Variants in DYSF observed in about 807,000 individuals in gnomAD.
DYSF encodes the protein dysferlin.
Under a neutral mutation model 274.9 loss-of-function variants are expected in DYSF, and 212 were observed. The observed-to-expected ratio is 0.77, with a 90% CI of 0.69 to 0.86. The LOEUF (loss-of-function observed/expected upper bound fraction) is 0.86. Ranked by LOEUF, DYSF falls within the 40% of genes least tolerant of loss-of-function variation. The pLI is 0.00. For synonymous variants in DYSF, 1,091 were observed against 1,078.7 expected (o/e 1.01, Z -0.22); for missense variants, 2,666 against 2,783.2 (o/e 0.96, Z 0.95).
At chr2:71,651,613 A>G (rs976486068) in intron 42 of DYSF, among the ~76,000 whole-genome samples, 1 of 152,178 alleles carries the variant, frequency 6.6e-6, no homozygotes, top group Admixed American at 6.5e-5. Context: ...TGCTATATGT[A>G]GTATTTCACA....
At chr2:71,570,548 A>G (rs747364366) in intron 28 of DYSF, 51 bp from the exon 29 acceptor site, 27 of 1,606,502 alleles carry the variant, frequency 1.7e-5, no homozygotes, top group East Asian at 6.7e-5. Flanking sequence ...TGGTCCCAGG[A>G]GAGATGGGGG....
intron 52 of DYSF, among the ~76,000 whole-genome samples, chr2:71,675,516 G>A (rs1338966838): frequency 1.3e-5 from 2 of 152,304 alleles, no homozygotes; most frequent in African/African-American, 2.4e-5. Context: ...CGCGGCTTCC[G>A]GCAGTGGGGA....
In DYSF at chr2:71,612,701, C is replaced by T. The variant is rs769721856; in HGVS notation, c.4282C>T (p.Gln1428Ter). Reference protein sequence around the residue: ...PITVKVIDNRQFGRRPVVGQC... With the variant: ...PITVKVIDNR The stretch of plus-strand genomic sequence containing the variant: ...CACCGTCAAGGTCATCGATAACCGC[C>T]AGTTTGGCCGCCGGCCTGTGGTGGG... Residue 1428 changes from glutamine to a stop codon, truncating the protein, a stop_gained, in exon 39 of 56, where the codon CAG (glutamine) becomes TAG (stop). Coordinates refer to ENST00000410020, the MANE Select transcript of DYSF (RefSeq NM_001130987.2). LOFTEE classifies it high-confidence loss of function. The T allele has an allele frequency of 3.7e-6, 6 of 1,614,082 alleles. No homozygotes were observed. The Admixed American group carries it at 8.3e-5, about 22-fold the overall frequency.
At position 71,539,162 on chromosome 2, in the gene DYSF, G is replaced by A. The variant is rs775370021; in HGVS notation, c.1499G>A (p.Arg500His). The A allele has an allele frequency of 2.6e-5, 42 of 1,613,778 alleles. No homozygotes were observed. The highest frequency in any genetic ancestry group is 8.8e-5 in the South Asian group (8 of 91,070). The change falls in exon 17 of 56, where the codon CGC (arginine) becomes CAC (histidine). Residue 500 changes from arginine to histidine, a missense_variant. Physicochemically the swap from Arg to His is conservative, Grantham distance 29. Around this residue, in one of 3 missense-constraint regions of DYSF, gnomAD observed 794 missense variants for 777.1 expected, o/e 1.02. Coordinates refer to ENST00000410020, the MANE Select transcript of DYSF (RefSeq NM_001130987.2). ...KMRIRIIDWD[R>H]LTHNDIVATT... is the part of the protein sequence containing the mutation. ...TCTCTGCTCCCTTGCTCTAGGGACC[G>A]CCTGACTCACAATGACATCGTGGCT... is the stretch of plus-strand genomic sequence containing the variant.
intron 32 of DYSF, among the ~76,000 whole-genome samples, chr2:71,597,833 C>A (rs536688120): frequency 1.3e-5 from 2 of 152,300 alleles, no homozygotes; most frequent in South Asian, 4.1e-4. Context: ...CACCCCACAC[C>A]CATCTAAGCC....
intron 50 of DYSF, 138 bp from the exon 51 acceptor site, chr2:71,669,467 C>T: frequency 1.8e-6 from 2 of 1,127,084 alleles, no homozygotes. Context: ...ACATTTTGTA[C>T]ATCGTGCCGA....
At position 71,674,261 on chromosome 2, in the gene DYSF, G is replaced by A. The variant is rs2152961374; in HGVS notation, c.5849G>A (p.Trp1950Ter). The A allele has an allele frequency of 1.9e-6, 3 of 1,614,236 alleles. No homozygotes were observed. The highest frequency in any genetic ancestry group is 2.5e-6 in the Non-Finnish European group (3 of 1,180,040). ...CCAGCACGAGTGGTGTTCCAGATCT[G>A]GGACAATGACAAGTTCTCCTTTGAT... Reference protein sequence around the residue: ...KIPARVVFQIWDNDKFSFDDF... With the variant: ...KIPARVVFQI Residue 1950 changes from tryptophan (W) to a stop codon, truncating the protein, a stop_gained, in exon 52 of 56, where the codon TGG becomes TAG. Transcript: ENST00000410020. LOFTEE classifies it high-confidence loss of function.
upstream of DYSF, chr2:71,466,554 GGACCAGCACCCCCACAGGC>G: frequency 5.3e-6 from 5 of 938,610 alleles, no homozygotes; most frequent in Non-Finnish European, 5.4e-6. Context: ...GCGGAGCTAG[GGACCAGCACCCCCACAGGC>G]GCCCGTCTGA....
chr2:71,593,125 CTTTTTTTTTT>C (rs35900869), intron 32 of DYSF, among the ~76,000 whole-genome samples: 4 of 85,584 alleles, frequency 4.7e-5, no homozygotes, highest in Middle Eastern at 0.012. Context: ...TCAGTGACTT[CTTTTTTTTTT>C]TTTTTTTTTT....
intron 30 of DYSF, among the ~76,000 whole-genome samples, chr2:71,587,993 G>C (rs2152840493): frequency 6.6e-6 from 1 of 152,302 alleles, no homozygotes; most frequent in Non-Finnish European, 1.5e-5. Context: ...ATTCCTTTTT[G>C]ACCCAGAGTG....
chr2:71,543,067 G>A (rs1318670660), intron 17 of DYSF, among the ~76,000 whole-genome samples: 1 of 150,756 alleles, frequency 6.6e-6, no homozygotes, highest in Non-Finnish European at 1.5e-5. Context: ...CTCCCGGACT[G>A]GGCAGCTGCC....
intron 5 of DYSF, among the ~76,000 whole-genome samples, 154 bp downstream of exon 5, chr2:71,512,075 G>A (rs946644729): frequency 6.6e-6 from 1 of 152,250 alleles, no homozygotes; most frequent in African/African-American, 2.4e-5. Flanking sequence ...GGGTGCAGTG[G>A]GTGGGAAGTC....
chr2:71,617,734 T>TGG (rs1558634843), intron 40 of DYSF, among the ~76,000 whole-genome samples: 1 of 83,476 alleles, frequency 1.2e-5, no homozygotes, highest in African/African-American at 4.8e-5. Flanking sequence ...GTGGTAGAGG[T>TGG]GGTGTGTGTG....
chr2:71,551,299 C>T (rs1245430923), intron 18 of DYSF, 143 bp downstream of exon 18: 5 of 826,350 alleles, frequency 6.1e-6, no homozygotes, highest in Non-Finnish European at 1.0e-5. Context: ...TCCTTCTGCC[C>T]CTTGACACTG....
chr2:71,537,912 C>G (rs915079758), intron 16 of DYSF, among the ~76,000 whole-genome samples: 2 of 152,144 alleles, frequency 1.3e-5, no homozygotes, highest in African/African-American at 2.4e-5. Context: ...GAGATGGGTC[C>G]TGCCCAGCCC....
At chr2:71,618,556 TG>T (rs2093994350) in intron 40 of DYSF, among the ~76,000 whole-genome samples, 1 of 102,630 alleles carries the variant, frequency 9.7e-6, no homozygotes, top group Non-Finnish European at 2.0e-5. Flanking sequence ...GTGGTAGAGG[TG>T]GAGTGTGTGT....
intron 47 of DYSF, 72 bp from the exon 48 acceptor site, chr2:71,667,304 T>A: frequency 6.2e-7 from 1 of 1,608,214 alleles, no homozygotes; most frequent in Non-Finnish European, 8.5e-7. Context: ...CTGCTCAGCC[T>A]GTTCACTGGG....
intron 17 of DYSF, among the ~76,000 whole-genome samples, chr2:71,544,474 T>TTG (rs1196907588): frequency 6.6e-6 from 1 of 150,976 alleles, no homozygotes; most frequent in Non-Finnish European, 1.5e-5. Context: ...TTTTTTTTTT[T>TTG]TTGAGATGGA....
At chr2:71,517,121 C>G in intron 10 of DYSF, 82 bp downstream of exon 10, 1 of 1,302,038 alleles carries the variant, frequency 7.7e-7, no homozygotes, top group Non-Finnish European at 1.1e-6. Context: ...GGCAGGGGCT[C>G]CAGAGATCCT....
Sources: gnomAD v4.1 joint callset for allele counts (sites outside exome capture counted in the v4.1 genomes callset) on GRCh38, gnomAD v4.1.1 for gene constraint, gnomAD v4.1.1 regional missense constraint, MANE v1.5 for transcripts, NCBI Gene and HGNC (gene_info 2026-07-23, HGNC 2026-07-21) for gene names.